The following PPP2R5C variants were observed in gnomAD, a reference collection of about 807,000 sequenced individuals.
PPP2R5C encodes protein phosphatase 2 regulatory subunit B'gamma, also known as serine/threonine-protein phosphatase 2A 56 kDa regulatory subunit gamma isoform.
In PPP2R5C, 7 loss-of-function variants were observed where a neutral mutation model predicts 68.9. The observed-to-expected ratio is 0.10, with a 90% CI of 0.06 to 0.19. The LOEUF (loss-of-function observed/expected upper bound fraction) is 0.19, where lower values mean the gene tolerates loss of function less well. PPP2R5C is among the 10% of genes least tolerant of loss of function. The pLI is 1.00. For synonymous variants in PPP2R5C, 210 were observed against 222.2 expected, an observed-to-expected ratio of 0.95 and a Z score of 0.49; for missense variants, 348 against 641.3, an observed-to-expected ratio of 0.54 and a Z score of 4.94.
chr14:101,817,037 A>G (rs1566864805), intron 1 of PPP2R5C, among the ~76,000 whole-genome samples: 1 of 149,060 alleles, frequency 6.7e-6, no homozygotes, highest in Non-Finnish European at 1.5e-5. Flanking sequence ...AGCTCACTGC[A>G]GCCTCCGCCT....
chr14:101,836,042 A>G (rs2041071976), intron 1 of PPP2R5C: 4 of 601,046 alleles, frequency 6.7e-6, no homozygotes, highest in Non-Finnish European at 1.2e-5. Context: ...AGTAGGAAAC[A>G]CTAGTAAGAT....
chr14:101,902,514 T>A (rs950191418), intron 9 of PPP2R5C, among the ~76,000 whole-genome samples: 93 of 151,956 alleles, frequency 6.1e-4, no homozygotes, highest in African/African-American at 2.2e-3. Flanking sequence ...TCCTTTTGCA[T>A]CATTGAGCGG....
At position 101,917,743 on chromosome 14, in the gene PPP2R5C, C is replaced by T; in HGVS notation, c.1327-88C>T. Reference sequence around the variant, plus strand: ...TGCGGGAGAGGGCCCTGGGGGGCGGCAGGGGAGATGAGTCCCTAGCCAGGA... The same window carrying T: ...TGCGGGAGAGGGCCCTGGGGGGCGGTAGGGGAGATGAGTCCCTAGCCAGGA... On this transcript the variant is annotated intron_variant, in intron 12 of 13. Coordinates refer to ENST00000334743, the Ensembl canonical transcript of PPP2R5C. This position sits in a 1 kb window ranked among gnomAD's most constrained non-coding sequence, Gnocchi z 4.4. The T allele has an allele frequency of 6.4e-7, 1 of 1,569,880 alleles. No homozygotes were observed. Among genetic ancestry groups the T allele is most frequent in the Non-Finnish European group, 8.7e-7 (1 of 1,154,994 alleles).
At chr14:101,847,828 A>G (rs556447952) in intron 1 of PPP2R5C, among the ~76,000 whole-genome samples, 4 of 151,994 alleles carry the variant, frequency 2.6e-5, no homozygotes, top group African/African-American at 9.7e-5. Context: ...ACACCCAGCT[A>G]ATTTTTGTAT....
At chr14:101,908,057 C>T (rs1009793810) in intron 10 of PPP2R5C, among the ~76,000 whole-genome samples, 1 of 152,202 alleles carries the variant, frequency 6.6e-6, no homozygotes. Flanking sequence ...TGTCTGAACC[C>T]GGGGAAGTTA....
chr14:101,789,576 T>C (rs1456914091), intron 3 of PPP2R5C: 1 of 152,218 alleles, frequency 6.6e-6, no homozygotes, highest in East Asian at 1.9e-4. Flanking sequence ...ATTTTCATAG[T>C]GTTTGGAACT....
chr14:101,851,731 A>G (rs781081116), intron 1 of PPP2R5C, among the ~76,000 whole-genome samples: 2 of 152,122 alleles, frequency 1.3e-5, no homozygotes, highest in Non-Finnish European at 2.9e-5. Context: ...TGCAGCTGCC[A>G]TGCTGAAAGT....
chr14:101,810,182 T>C (rs941541634), intron 1 of PPP2R5C: 1 of 718,452 alleles, frequency 1.4e-6, no homozygotes, highest in Non-Finnish European at 2.3e-6. Flanking sequence ...AGGTTGGGTG[T>C]GTCACTGCAG....
rs552395394 is a variant in PPP2R5C, at chr14:101,917,741, G to A, written c.1327-90G>A. 2.4e-5 allele frequency: 38 copies of A among 1,566,184 alleles called. No individual in the cohort carries two copies. The East Asian group carries it at 4.5e-4, about 19-fold the overall frequency. Reference sequence around the variant, plus strand: ...CCTGCGGGAGAGGGCCCTGGGGGGCGGCAGGGGAGATGAGTCCCTAGCCAG... The same window carrying A: ...CCTGCGGGAGAGGGCCCTGGGGGGCAGCAGGGGAGATGAGTCCCTAGCCAG... On this transcript the variant is annotated intron_variant, in intron 12 of 13. Transcript: ENST00000334743. The surrounding 1 kb of genome is among the most constrained non-coding windows in gnomAD (Gnocchi z 4.4).
chr14:101,833,716 A>G (rs1316862785), intron 1 of PPP2R5C, among the ~76,000 whole-genome samples: 1 of 152,228 alleles, frequency 6.6e-6, no homozygotes, highest in Non-Finnish European at 1.5e-5. Context: ...CTGTTTTCTC[A>G]AGGCATTATG....
chr14:101,921,962 T>C lies in PPP2R5C; in HGVS notation c.1444-3179T>C. The C allele has an allele frequency of 3.1e-6, 3 of 975,666 alleles. No individual in the cohort carries two copies. The South Asian group carries it at 1.4e-4, about 46-fold the overall frequency. 60.4% of individuals were successfully genotyped at this position (975,666 alleles called of 1,614,324 possible). On this transcript the variant is annotated intron_variant, in intron 13 of 13. Transcript: ENST00000334743. ...TTTATATTATAGACATTTTAAATGTTTGCAATTCTCATTTTTAACAGTTGG... is the reference window on the plus strand; with the variant it reads ...TTTATATTATAGACATTTTAAATGTCTGCAATTCTCATTTTTAACAGTTGG...
At position 101,922,103 on chromosome 14, in the gene PPP2R5C, G is replaced by A. The variant is rs75177236; in HGVS notation, c.1444-3038G>A. On this transcript the variant is annotated intron_variant, in intron 13 of 13. Coordinates refer to ENST00000334743, the Ensembl canonical transcript of PPP2R5C. Reference sequence around the variant, plus strand: ...AGCACATTGAAGGCCTGTTCTCCAGGAGAAGAATTGACGAGTTAACGTGGA... The same window carrying A: ...AGCACATTGAAGGCCTGTTCTCCAGAAGAAGAATTGACGAGTTAACGTGGA... The A allele has an allele frequency of 9.2e-4, 908 of 985,248 alleles. 5 individuals carry two copies. The African/African-American group carries it at 0.015, about 16-fold the overall frequency. The allele number at this position is 985,248 out of a possible 1,614,324, so 61.0% of individuals were successfully genotyped here.
At chr14:101,909,526 TG>T in intron 10 of PPP2R5C, 62 bp from the exon 13 acceptor site, 1 of 1,124,252 alleles carries the variant, frequency 8.9e-7, no homozygotes, top group Non-Finnish European at 1.3e-6. Flanking sequence ...AGCCTGAGAG[TG>T]GAGAGGCGAG....
In PPP2R5C at chr14:101,906,330, G is replaced by A. The variant is rs2141066283; in HGVS notation, c.1024-72G>A. On this transcript the variant is annotated intron_variant, in intron 9 of 13. Transcript: ENST00000334743. This position sits in a 1 kb window ranked among gnomAD's most constrained non-coding sequence, Gnocchi z 4.0. ...AGGTAGTTCATTACCCGACTCACAGGTTTAACAGCAAGGACAGCCACCTGA... is the reference window on the plus strand; with the variant it reads ...AGGTAGTTCATTACCCGACTCACAGATTTAACAGCAAGGACAGCCACCTGA... 1.3e-6 allele frequency: 2 copies of A among 1,485,936 alleles called. No individual in the cohort carries two copies. The highest frequency in any genetic ancestry group is 9.0e-7 in the Non-Finnish European group (1 of 1,113,806). The allele number at this position is 1,485,936 out of a possible 1,614,324, so 92.0% of individuals were successfully genotyped here.
chr14:101,807,097 G>A (rs2039108479), upstream of PPP2R5C, among the ~76,000 whole-genome samples: 1 of 152,104 alleles, frequency 6.6e-6, no homozygotes, highest in African/African-American at 2.4e-5. Context: ...AAAGTTATAG[G>A]GATTTGGGGG....
At position 101,915,057 on chromosome 14, in the gene PPP2R5C, G is replaced by C. The variant is rs886605702; in HGVS notation, c.1326+2584G>C. Among the ~76,000 whole-genome samples the C allele has an allele frequency of 6.6e-6, 1 of 152,070 alleles. No homozygotes were observed. The highest frequency in any genetic ancestry group is 1.5e-5 in the Non-Finnish European group (1 of 68,002). On this transcript the variant is annotated intron_variant, in intron 12 of 13. Coordinates refer to ENST00000334743, the Ensembl canonical transcript of PPP2R5C. The surrounding 1 kb of genome is among the most constrained non-coding windows in gnomAD (Gnocchi z 4.2). Reference sequence around the variant, plus strand: ...CACCTCAGTGAAGGTTTTTGTTTTGGTTTGGTTTGGTTTGGTTTGATTTGG... The same window carrying C: ...CACCTCAGTGAAGGTTTTTGTTTTGCTTTGGTTTGGTTTGGTTTGATTTGG...
chr14:101,925,021 C>A (rs1377584682), intron 13 of PPP2R5C, 120 bp from the exon 16 acceptor site: 1 of 1,149,098 alleles, frequency 8.7e-7, no homozygotes, highest in African/African-American at 1.6e-5. Context: ...GCCAGGGTGC[C>A]GCCAGCGAGT....
chr14:101,775,373 A>G (rs1029682673), intron 2 of PPP2R5C, among the ~76,000 whole-genome samples: 2 of 152,164 alleles, frequency 1.3e-5, no homozygotes, highest in African/African-American at 4.8e-5. Flanking sequence ...TGCTGTTTCC[A>G]TGAAATATTT....
At chr14:101,898,190 A>G (rs574652592) in intron 8 of PPP2R5C, among the ~76,000 whole-genome samples, 20 of 152,256 alleles carry the variant, frequency 1.3e-4, no homozygotes, top group South Asian at 2.1e-4. Flanking sequence ...AATGGAAGGG[A>G]AAAAAAGCTA....
Sources: allele counts gnomAD v4.1 joint callset (sites outside exome capture counted in the v4.1 genomes callset), GRCh38; gene constraint gnomAD v4.1.1; non-coding constraint Gnocchi (gnomAD v3.1); transcripts MANE v1.5; gene names NCBI Gene and HGNC (gene_info 2026-07-23, HGNC 2026-07-21).